The following DENND1B variants were observed in gnomAD, a reference collection of about 807,000 sequenced individuals.
The protein encoded by DENND1B is DENN domain containing 1B.
In DENND1B, 59 loss-of-function variants were observed where a neutral mutation model predicts 90.1. The observed-to-expected ratio is 0.65, with a 90% CI of 0.53 to 0.81. The LOEUF (loss-of-function observed/expected upper bound fraction) is 0.81, where lower values mean the gene tolerates loss of function less well. DENND1B is among the 40% of genes least tolerant of loss of function. The probability of loss-of-function intolerance (pLI) is 0.00; values close to 1 mark genes in which losing one functional copy is unlikely to be tolerated. For synonymous variants in DENND1B, 337 were observed against 324.6 expected (o/e 1.04, Z -0.41); for missense variants, 862 against 912.6 (o/e 0.94, Z 0.71).
chr1:197,705,178 A>G (rs1418720261), intron 3 of DENND1B, among the ~76,000 whole-genome samples: 2 of 152,194 alleles, frequency 1.3e-5, no homozygotes, highest in Non-Finnish European at 2.9e-5. Context: ...AAAAGGGAAA[A>G]GGGTTAAGAA....
chr1:197,704,161 C>G (rs1659301118), intron 3 of DENND1B, among the ~76,000 whole-genome samples: 1 of 152,028 alleles, frequency 6.6e-6, no homozygotes, highest in Admixed American at 6.6e-5. Flanking sequence ...GGGAGGATTG[C>G]TTGAGGTTGA....
In DENND1B at chr1:197,539,103, T is replaced by C. The variant is rs376371628; in HGVS notation, c.1515+861A>G. On this transcript the variant is annotated intron_variant, in intron 20 of 22. Coordinates refer to ENST00000620048, the MANE Select transcript of DENND1B (RefSeq NM_001195215.2). ...AGACAAAGACCCTGGAAGCACCTTA[T>C]GGCCATGTATACTTCTGTGGTGCCT... Among the ~76,000 whole-genome samples, 4 of 152,332 alleles carry C rather than the reference T, an allele frequency of 2.6e-5. No individual in the cohort carries two copies. In the East Asian group the frequency reaches 5.8e-4, roughly 22 times the overall value.
chr1:197,567,265 A>G (rs1347796960), intron 15 of DENND1B, among the ~76,000 whole-genome samples: 5 of 152,110 alleles, frequency 3.3e-5, no homozygotes, highest in Non-Finnish European at 2.9e-5. Context: ...TGAATAACCC[A>G]GAAGAAATGA....
intron 20 of DENND1B, among the ~76,000 whole-genome samples, chr1:197,528,936 T>G (rs1195798500): frequency 6.6e-6 from 1 of 151,998 alleles, no homozygotes; most frequent in African/African-American, 2.4e-5. Flanking sequence ...TGTATGTGAC[T>G]ATATTAAGTA....
upstream of DENND1B, among the ~76,000 whole-genome samples, chr1:197,777,125 C>G (rs1657309872): frequency 6.6e-6 from 1 of 151,950 alleles, no homozygotes; most frequent in Non-Finnish European, 1.5e-5. Flanking sequence ...AAGCTAAAAG[C>G]CACTTCTGCC....
chr1:197,540,056 A>G lies in DENND1B; in HGVS notation c.1423T>C (p.Tyr475His). 6.2e-6 allele frequency: 10 copies of G among 1,606,552 alleles called. No homozygotes were observed. Among genetic ancestry groups the G allele is most frequent in the Non-Finnish European group, 7.6e-6 (9 of 1,176,960 alleles). ...TGTACAGAACTAGAACAGGTCCCAT[A>G]ATCTTCTTCATTTTCCTACACATGA... Reference protein sequence around the residue: ...KLKHKENEEDYGTCSSSVQYT... With the variant: ...KLKHKENEEDHGTCSSSVQYT... The change falls in exon 20 of 23, where the codon TAT becomes CAT. Residue 475 changes from tyrosine (Y) to histidine (H), a missense_variant. Coordinates refer to ENST00000620048, the MANE Select transcript of DENND1B (RefSeq NM_001195215.2).
At chr1:197,675,952 T>C (rs1388723639) in intron 3 of DENND1B, among the ~76,000 whole-genome samples, 1 of 151,868 alleles carries the variant, frequency 6.6e-6, no homozygotes, top group African/African-American at 2.4e-5. Flanking sequence ...TGCATACACT[T>C]CTGTGAAACA....
At chr1:197,513,077 T>C in intron 20 of DENND1B, 124 bp from the exon 21 acceptor site, 1 of 693,172 alleles carries the variant, frequency 1.4e-6, no homozygotes, top group Non-Finnish European at 2.3e-6. Flanking sequence ...TTCAGGGTTT[T>C]TGAATATTAT....
intron 2 of DENND1B, chr1:197,734,188 A>C (rs1662415923): frequency 1.1e-6 from 1 of 875,040 alleles, no homozygotes; most frequent in African/African-American, 1.8e-5. Flanking sequence ...ACAGTAAACT[A>C]AAAAGTAGAT....
In DENND1B at chr1:197,540,969, A is replaced by T; in HGVS notation, c.1397T>A (p.Leu466Gln). 3 of 1,612,504 alleles carry T rather than the reference A, an allele frequency of 1.9e-6. No homozygotes were observed. In the African/African-American group the frequency reaches 4.0e-5, roughly 21 times the overall value. ...ATGAATATGACATACCTTGTGTTTT[A>T]GTTTACTCTTCACTTCCTTTAGTCC... Reference protein sequence around the residue: ...KLGLKEVKSKLKHKENEEDYG... With the variant: ...KLGLKEVKSKQKHKENEEDYG... The change falls in exon 19 of 23, where the codon CTA becomes CAA. Residue 466 changes from leucine to glutamine, a missense_variant. Transcript: ENST00000620048.
chr1:197,718,445 AG>A (rs751152146), intron 2 of DENND1B, among the ~76,000 whole-genome samples: 1 of 152,004 alleles, frequency 6.6e-6, no homozygotes, highest in Non-Finnish European at 1.5e-5. Flanking sequence ...AAATCATTAA[AG>A]AAAATGTGTA....
chr1:197,552,551 G>A, intron 16 of DENND1B: 1 of 985,368 alleles, frequency 1.0e-6, no homozygotes, highest in Non-Finnish European at 1.2e-6. Context: ...AGTCAAAAAG[G>A]TAAAGACATC....
chr1:197,588,368 T>C (rs1674896712), intron 14 of DENND1B, among the ~76,000 whole-genome samples: 1 of 152,172 alleles, frequency 6.6e-6, no homozygotes, highest in African/African-American at 2.4e-5. Flanking sequence ...GTAGAAAACT[T>C]TGTAAGAACA....
rs1428232641 is a variant in DENND1B at position 197,758,002 on chromosome 1, G to A, written c.82+14866C>T. On this transcript the variant is annotated intron_variant, in intron 2 of 22. Coordinates refer to ENST00000620048, the MANE Select transcript of DENND1B (RefSeq NM_001195215.2). ...AGCTTATCAATATTAGCTCTTAGAA[G>A]TTTGAAAACTTACACATATATGGAA... 3.3e-5 allele frequency among the ~76,000 whole-genome samples: 5 copies of A among 152,138 alleles called. No homozygotes were observed. The East Asian group carries it at 9.6e-4, about 29-fold the overall frequency.
At chr1:197,685,160 T>C (rs1285951503) in intron 3 of DENND1B, among the ~76,000 whole-genome samples, 3 of 151,972 alleles carry the variant, frequency 2.0e-5, no homozygotes, top group Non-Finnish European at 4.4e-5. Flanking sequence ...GCAAATTATA[T>C]GTCATATTGA....
chr1:197,729,516 AT>A (rs1355244187), intron 2 of DENND1B, among the ~76,000 whole-genome samples: 2 of 152,148 alleles, frequency 1.3e-5, no homozygotes, highest in African/African-American at 4.8e-5. Flanking sequence ...ATCTGCCCTT[AT>A]TTTCACTACA....
chr1:197,704,205 A>G (rs1659306198), intron 3 of DENND1B, among the ~76,000 whole-genome samples: 1 of 152,174 alleles, frequency 6.6e-6, no homozygotes, highest in Admixed American at 6.5e-5. Context: ...GGAGCCAGTC[A>G]TGAGGGCACT....
intron 15 of DENND1B, among the ~76,000 whole-genome samples, chr1:197,575,607 A>G (rs187526156): frequency 9.3e-4 from 142 of 152,360 alleles, no homozygotes; most frequent in Admixed American, 1.5e-3. Context: ...ATTATAAATT[A>G]TGCTACCATA....
intron 2 of DENND1B, chr1:197,761,826 C>G (rs1051537070): frequency 6.6e-6 from 1 of 150,834 alleles, no homozygotes; most frequent in African/African-American, 2.4e-5. Flanking sequence ...TAAGAAGGAA[C>G]TGAAAAAGGA....
Sources: allele counts gnomAD v4.1 joint callset (sites outside exome capture counted in the v4.1 genomes callset), GRCh38; gene constraint gnomAD v4.1.1; transcripts MANE v1.5; gene names NCBI Gene and HGNC (gene_info 2026-07-23, HGNC 2026-07-21).